Variants in LARGE1 observed in about 807,000 individuals in gnomAD.
The protein encoded by LARGE1 is LARGE xylosyl- and glucuronyltransferase 1.
Under a neutral mutation model 87.6 loss-of-function variants are expected in LARGE1, and 43 were observed. That is an observed-to-expected ratio of 0.49 (90% CI 0.38 to 0.63). The LOEUF (loss-of-function observed/expected upper bound fraction) is 0.63. Among genes scored for constraint, LARGE1 ranks in the 30% least tolerant of loss-of-function variants. The pLI, the probability that LARGE1 is intolerant of heterozygous loss-of-function variation, is 0.00. For synonymous variants in LARGE1, 434 were observed against 394.6 expected (o/e 1.10, Z -1.18); for missense variants, 802 against 1,000.2 (o/e 0.80, Z 2.67).
intron 6 of LARGE1, among the ~76,000 whole-genome samples, chr22:33,559,711 G>A (rs2077797826): frequency 1.3e-5 from 2 of 152,008 alleles, no homozygotes; most frequent in Non-Finnish European, 2.9e-5. Flanking sequence ...TCATCAGGGT[G>A]ATCCTGCCTT....
In LARGE1 at chr22:33,274,473, T is replaced by C. The variant is rs998809747; in HGVS notation, c.2225A>G (p.Tyr742Cys). The change falls in exon 15 of 15, where the codon TAC (tyrosine) becomes TGC (cysteine). Residue 742 changes from tyrosine to cysteine, a missense_variant. By Grantham distance (194) the Tyr-to-Cys change is radical (BLOSUM62 -2). This residue lies in a region of LARGE1 where 625 missense variants were observed against 841.9 expected (regional missense o/e 0.74). Coordinates refer to ENST00000397394, the MANE Select transcript of LARGE1 (RefSeq NM_133642.5). ...EEFQQDMSRR[Y>C]GFAALKYLTA... is the part of the protein sequence containing the mutation. ...GAGATATTTCAGGGCAGCAAAGCCG[T>C]AGCGGCGGGACATGTCCTGCTGAAA... 2 of 1,614,082 alleles carry C rather than the reference T, an allele frequency of 1.2e-6. No homozygotes were observed.
chr22:33,869,830 G>T (rs1406930801), intron 1 of LARGE1, among the ~76,000 whole-genome samples: 2 of 152,176 alleles, frequency 1.3e-5, no homozygotes, highest in African/African-American at 2.4e-5. Context: ...GATGTTCAGA[G>T]AACTGCCCAA....
chr22:33,601,369 A>T (rs2079108462), intron 5 of LARGE1, among the ~76,000 whole-genome samples: 1 of 152,156 alleles, frequency 6.6e-6, no homozygotes, highest in Non-Finnish European at 1.5e-5. Flanking sequence ...AAAGGGACAA[A>T]GATGAGCTCT....
At chr22:33,089,334 TTC>T in the LARGE1 span, among the ~76,000 whole-genome samples, 1 of 70,054 alleles carries the variant, frequency 1.4e-5, no homozygotes, top group Non-Finnish European at 2.6e-5. Flanking sequence ...CTTCTTCTTC[TTC>T]TTCTTCTTCT....
chr22:33,762,160 G>A (rs1274046293), intron 1 of LARGE1, among the ~76,000 whole-genome samples: 2 of 143,894 alleles, frequency 1.4e-5, no homozygotes, highest in Non-Finnish European at 3.0e-5. Context: ...GTTGCAGTGA[G>A]CTGAGATGGC....
chr22:33,114,045 A>ATT, the LARGE1 span, among the ~76,000 whole-genome samples: 154 of 135,748 alleles, frequency 1.1e-3, 3 homozygotes, highest in Admixed American at 2.2e-3. Context: ...TAATTTTTCT[A>ATT]TTTTTTTTTT....
intron 10 of LARGE1, among the ~76,000 whole-genome samples, chr22:33,329,439 G>A (rs1352942905): frequency 6.6e-6 from 1 of 151,304 alleles, no homozygotes; most frequent in Non-Finnish European, 1.5e-5. Flanking sequence ...TTTTTTTGTG[G>A]GGGGAAGGGG....
intron 1 of LARGE1, among the ~76,000 whole-genome samples, chr22:33,807,506 G>A (rs1176215366): frequency 6.6e-6 from 1 of 152,068 alleles, no homozygotes; most frequent in Non-Finnish European, 1.5e-5. Context: ...CTTACAACTG[G>A]TGAGCCTACA....
At chr22:33,242,646 CAATT>C (rs1364759387) in intron 11 of LARGE1, among the ~76,000 whole-genome samples, 1 of 152,006 alleles carries the variant, frequency 6.6e-6, no homozygotes, top group Non-Finnish European at 1.5e-5. Flanking sequence ...TGAGGGTGCT[CAATT>C]AACATAGTTG....
intron 2 of LARGE1, among the ~76,000 whole-genome samples, chr22:33,727,048 G>A (rs560511792): frequency 3.3e-5 from 5 of 152,272 alleles, no homozygotes; most frequent in African/African-American, 7.2e-5. Context: ...TGGCTAGCAC[G>A]GATGGGTCAA....
At chr22:33,878,260 AAGT>A (rs10551015) in intron 1 of LARGE1, among the ~76,000 whole-genome samples, 121,469 of 149,158 alleles carry the variant, frequency 0.81, 49,623 homozygotes, top group African/African-American at 0.87. Flanking sequence ...TCAGTCTCCC[AAGT>A]AGTAGCTGGG....
In LARGE1 at chr22:33,790,133, G is replaced by C. The variant is rs190384261; in HGVS notation, c.-82-28575C>G. 1.8e-3 allele frequency among the ~76,000 whole-genome samples: 280 copies of C among 152,244 alleles called. 1 individual carries two copies. Among genetic ancestry groups the C allele is most frequent in the African/African-American group, 6.3e-3 (263 of 41,532 alleles). Reference sequence around the variant, plus strand: ...GAATCATGGGGGTTTCCCTCATACTGTTTTCATGGTAGTGAATAAGTCTTA... The same window carrying C: ...GAATCATGGGGGTTTCCCTCATACTCTTTTCATGGTAGTGAATAAGTCTTA... On this transcript the variant is annotated intron_variant, in intron 1 of 14. Transcript: ENST00000397394.
intron 11 of LARGE1, among the ~76,000 whole-genome samples, chr22:33,230,794 A>C (rs1054993623): frequency 6.6e-6 from 1 of 152,218 alleles, no homozygotes; most frequent in Non-Finnish European, 1.5e-5. Context: ...GTAAGTTCAT[A>C]ATAATTATAA....
At chr22:33,525,897 G>T (rs112980570) in intron 6 of LARGE1, among the ~76,000 whole-genome samples, 1 of 152,200 alleles carries the variant, frequency 6.6e-6, no homozygotes, top group African/African-American at 2.4e-5. Context: ...TGTTAAACAT[G>T]GAGTCAACAT....
At chr22:33,365,257 G>C (rs1009114508) in intron 9 of LARGE1, among the ~76,000 whole-genome samples, 10 of 152,004 alleles carry the variant, frequency 6.6e-5, no homozygotes, top group Admixed American at 3.3e-4. Context: ...CCAAGACCCA[G>C]ATTGTAAGGT....
chr22:33,163,148 A>C (rs1000486859), exon 12 of LARGE1: 13 of 152,212 alleles, frequency 8.5e-5, no homozygotes, highest in Admixed American at 2.0e-4. Context: ...TGCATCATAT[A>C]AATTATCACA....
At chr22:33,392,243 G>A (rs762712228) in intron 7 of LARGE1, among the ~76,000 whole-genome samples, 1 of 151,352 alleles carries the variant, frequency 6.6e-6, no homozygotes, top group Non-Finnish European at 1.5e-5. Context: ...TCTGAGTCCT[G>A]ATATCACTGC....
intron 9 of LARGE1, among the ~76,000 whole-genome samples, chr22:33,380,924 C>T (rs1391121827): frequency 6.6e-6 from 1 of 152,172 alleles, no homozygotes; most frequent in East Asian, 1.9e-4. Flanking sequence ...TTACTCCTTC[C>T]ACTGTAGGGA....
At chr22:33,535,481 A>G (rs1476674553) in intron 6 of LARGE1, among the ~76,000 whole-genome samples, 1 of 152,024 alleles carries the variant, frequency 6.6e-6, no homozygotes, top group African/African-American at 2.4e-5. Flanking sequence ...AGGTGGAGGA[A>G]GCAGTGAGCT....
Sources: allele counts gnomAD v4.1 joint callset (sites outside exome capture counted in the v4.1 genomes callset), GRCh38; gene constraint gnomAD v4.1.1; regional missense constraint gnomAD v4.1.1; transcripts MANE v1.5; gene names NCBI Gene and HGNC (gene_info 2026-07-23, HGNC 2026-07-21).